ERBB4: variants seen among roughly 807,000 people sequenced by gnomAD.
ERBB4 encodes erb-b2 receptor tyrosine kinase 4.
ERBB4 carries 42 observed loss-of-function variants against 158.0 expected under a neutral mutation model. That is an observed-to-expected ratio of 0.27 (90% CI 0.21 to 0.34). ERBB4 has a LOEUF of 0.34. Among genes scored for constraint, ERBB4 ranks in the 10% least tolerant of loss-of-function variants. The pLI is 1.00. For synonymous variants in ERBB4, 583 were observed against 558.7 expected (o/e 1.04, Z -0.61); for missense variants, 1,333 against 1,624.1 (o/e 0.82, Z 3.08).
At chr2:212,532,256 C>T (rs1188288710) in intron 1 of ERBB4, among the ~76,000 whole-genome samples, 1 of 152,162 alleles carries the variant, frequency 6.6e-6, no homozygotes. Flanking sequence ...TCAGTGGTTT[C>T]TAGTGCCGGA....
chr2:212,056,132 C>A (rs1318278302), intron 2 of ERBB4, among the ~76,000 whole-genome samples: 1 of 152,190 alleles, frequency 6.6e-6, no homozygotes, highest in Admixed American at 6.5e-5. Flanking sequence ...GTGACGAATA[C>A]ACAAGCTTCA....
At chr2:211,692,502 A>C (rs971052468) in intron 12 of ERBB4, among the ~76,000 whole-genome samples, 12 of 152,136 alleles carry the variant, frequency 7.9e-5, no homozygotes, top group Non-Finnish European at 1.5e-4. Context: ...ATGACTCTTA[A>C]GGGGCTAGAA....
intron 20 of ERBB4, among the ~76,000 whole-genome samples, chr2:211,529,134 C>T (rs1185596362): frequency 6.9e-6 from 1 of 145,136 alleles, no homozygotes; most frequent in African/African-American, 2.6e-5. Flanking sequence ...GAGAGGAGAC[C>T]CAAATTAAAA....
rs1176155308 is a variant in ERBB4, at chr2:211,660,955, G to C, written c.1872-3127C>G. ...AGAAGTCTGGTAAAATAACTCTTAA[G>C]ATAATTTTACTTGTCATTGTCATGG... is the stretch of plus-strand genomic sequence containing the variant. On this transcript the variant is annotated intron_variant, in intron 15 of 27. Transcript: ENST00000342788. Among the ~76,000 whole-genome samples, 10 of 152,158 alleles carry C rather than the reference G, an allele frequency of 6.6e-5. No homozygotes were observed. The East Asian group carries it at 1.5e-3, about 23-fold the overall frequency.
chr2:212,160,911 G>T (rs915969308), intron 1 of ERBB4, among the ~76,000 whole-genome samples: 7 of 151,944 alleles, frequency 4.6e-5, no homozygotes, highest in African/African-American at 1.4e-4. Flanking sequence ...ATGACTGTGT[G>T]TATATTTGAA....
intron 19 of ERBB4, among the ~76,000 whole-genome samples, chr2:211,585,566 A>T (rs754349891): frequency 6.6e-6 from 1 of 152,166 alleles, no homozygotes; most frequent in Non-Finnish European, 1.5e-5. Context: ...ATACATGTTT[A>T]AAAATTAAAT....
rs920279145 is a variant in ERBB4 at position 212,278,438 on chromosome 2, T to C, written c.83-153535A>G. Among the ~76,000 whole-genome samples the C allele has an allele frequency of 2.6e-5, 4 of 151,696 alleles. No homozygotes were observed. The Admixed American group carries it at 2.6e-4, about 10-fold the overall frequency. ...CTATCTTTATACAATGAAAGCCTTATGGTCTTTTCAGTGAGGGGAAACAGC... is the reference window on the plus strand; with the variant it reads ...CTATCTTTATACAATGAAAGCCTTACGGTCTTTTCAGTGAGGGGAAACAGC... On this transcript the variant is annotated intron_variant, in intron 1 of 27. Coordinates refer to ENST00000342788, the MANE Select transcript of ERBB4 (RefSeq NM_005235.3).
At chr2:211,711,274 T>C (rs1057224022) in intron 9 of ERBB4, among the ~76,000 whole-genome samples, 2 of 152,194 alleles carry the variant, frequency 1.3e-5, no homozygotes, top group African/African-American at 4.8e-5. Flanking sequence ...AGAAATGATC[T>C]GATACATGTT....
intron 20 of ERBB4, among the ~76,000 whole-genome samples, chr2:211,540,546 TTTTG>T (rs2066776188): frequency 1.3e-5 from 2 of 151,554 alleles, no homozygotes; most frequent in African/African-American, 4.8e-5. Flanking sequence ...GTTTTTTTGT[TTTTG>T]TTTTTGTTTT....
At chr2:212,083,029 C>T (rs576623372) in intron 2 of ERBB4, among the ~76,000 whole-genome samples, 6 of 151,730 alleles carry the variant, frequency 4.0e-5, no homozygotes, top group African/African-American at 1.2e-4. Flanking sequence ...CATAAGTAAC[C>T]TAGTATCATA....
chr2:211,562,168 C>T (rs2067414537), intron 19 of ERBB4, 80 bp from the exon 20 acceptor site: 5 of 1,214,532 alleles, frequency 4.1e-6, no homozygotes, highest in South Asian at 3.7e-5. Flanking sequence ...ACTAATGGTG[C>T]TGATGATTTT....
chr2:211,705,914 T>G (rs2073422013), intron 9 of ERBB4, among the ~76,000 whole-genome samples: 1 of 152,192 alleles, frequency 6.6e-6, no homozygotes, highest in African/African-American at 2.4e-5. Context: ...TCATAATATT[T>G]ATAACATTGT....
intron 1 of ERBB4, among the ~76,000 whole-genome samples, chr2:212,282,207 A>C (rs75360465): frequency 0.047 from 7,081 of 151,938 alleles, 231 homozygotes; most frequent in African/African-American, 0.089. Context: ...GGCAGGCACC[A>C]CAGGGATATG....
At chr2:211,885,809 G>A (rs1326088302) in intron 3 of ERBB4, among the ~76,000 whole-genome samples, 2 of 151,934 alleles carry the variant, frequency 1.3e-5, no homozygotes, top group African/African-American at 4.8e-5. Flanking sequence ...CCCTTATTAA[G>A]GGAAGCAATA....
At chr2:212,309,759 T>C (rs2086957730) in intron 1 of ERBB4, among the ~76,000 whole-genome samples, 1 of 42,634 alleles carries the variant, frequency 2.3e-5, no homozygotes, top group Non-Finnish European at 1.3e-4. Flanking sequence ...TTGAGGGTAT[T>C]TTTTTTTTAA....
intron 1 of ERBB4, among the ~76,000 whole-genome samples, chr2:212,516,305 TTAA>T (rs1691840514): frequency 6.6e-6 from 1 of 152,058 alleles, no homozygotes; most frequent in African/African-American, 2.4e-5. Flanking sequence ...ATATATTATT[TTAA>T]TAATAACATA....
intron 19 of ERBB4, among the ~76,000 whole-genome samples, chr2:211,569,495 G>C (rs958032927): frequency 6.6e-6 from 1 of 152,166 alleles, no homozygotes; most frequent in African/African-American, 2.4e-5. Flanking sequence ...ACATAAAACA[G>C]ATGCATAAGT....
intron 2 of ERBB4, among the ~76,000 whole-genome samples, chr2:212,036,657 G>A (rs1196034280): frequency 6.6e-6 from 1 of 151,956 alleles, no homozygotes; most frequent in African/African-American, 2.4e-5. Context: ...GTAGAGACTG[G>A]TTTTCACCGT....
intron 1 of ERBB4, among the ~76,000 whole-genome samples, chr2:212,128,108 A>G (rs570926820): frequency 2.0e-4 from 30 of 152,278 alleles, no homozygotes; most frequent in South Asian, 8.3e-4. Flanking sequence ...TGCTTCCTCC[A>G]AGCCCTTTAT....
Sources: gnomAD v4.1 joint callset for allele counts (sites outside exome capture counted in the v4.1 genomes callset) on GRCh38, gnomAD v4.1.1 for gene constraint, MANE v1.5 for transcripts, NCBI Gene and HGNC (gene_info 2026-07-23, HGNC 2026-07-21) for gene names.